The following CPAP variants were observed in gnomAD, a reference collection of about 807,000 sequenced individuals.
CPAP encodes the protein centrosome assembly and centriole elongation protein.
the CPAP span, among the ~76,000 whole-genome samples, chr13:24,896,693 G>A: frequency 1.3e-5 from 2 of 152,206 alleles, no homozygotes; most frequent in African/African-American, 4.8e-5. Context: ...GTCAGGATCA[G>A]AGCTATGAGA....
At chr13:24,929,881 C>T in the CPAP span, among the ~76,000 whole-genome samples, 6 of 137,632 alleles carry the variant, frequency 4.4e-5, no homozygotes, top group Non-Finnish European at 7.7e-5. Context: ...CTGCTCAAAT[C>T]TGTTGAGCGT....
At chr13:24,888,318 G>A in the CPAP span, among the ~76,000 whole-genome samples, 1 of 152,038 alleles carries the variant, frequency 6.6e-6, no homozygotes, top group Non-Finnish European at 1.5e-5. Flanking sequence ...AGCAGTGCTT[G>A]TAACTGACAA....
the CPAP span, chr13:24,889,129 A>C: frequency 3.3e-6 from 2 of 608,310 alleles, no homozygotes; most frequent in Non-Finnish European, 2.9e-6. Context: ...CGAAGCATGG[A>C]CCATTATCAG....
chr13:24,912,352 A>G, the CPAP span, among the ~76,000 whole-genome samples: 19 of 152,306 alleles, frequency 1.2e-4, no homozygotes, highest in African/African-American at 4.3e-4. Context: ...TTCCCCTAAT[A>G]CTTGATCAAC....
chr13:24,908,263 G>A, the CPAP span: 1 of 635,620 alleles, frequency 1.6e-6, no homozygotes, highest in South Asian at 1.8e-5. Context: ...CAACACTCAA[G>A]GAATTCTTTA....
At chr13:24,931,237 A>G in the CPAP span, among the ~76,000 whole-genome samples, 8,561 of 148,398 alleles carry the variant, frequency 0.058, 439 homozygotes, top group East Asian at 0.14. Context: ...CTGTATCTGC[A>G]CTTCCTCGGC....
the CPAP span, chr13:24,905,405 T>TAG: frequency 6.2e-7 from 1 of 1,614,176 alleles, no homozygotes; most frequent in Admixed American, 1.7e-5. Context: ...TGAATCTGAC[T>TAG]TTGGTTTTGG....
chr13:24,892,311 G>A, the CPAP span, among the ~76,000 whole-genome samples: 4 of 152,172 alleles, frequency 2.6e-5, no homozygotes, highest in African/African-American at 9.7e-5. Flanking sequence ...TTAGAGAAAT[G>A]AGTCTGCAAA....
At chr13:24,896,696 C>G in the CPAP span, among the ~76,000 whole-genome samples, 1 of 152,172 alleles carries the variant, frequency 6.6e-6, no homozygotes, top group Non-Finnish European at 1.5e-5. Flanking sequence ...AGGATCAGAG[C>G]TATGAGAAAG....
At chr13:24,885,191 C>A in the CPAP span, 8 of 911,606 alleles carry the variant, frequency 8.8e-6, no homozygotes, top group Admixed American at 5.7e-5. Context: ...TCCAAAGAGC[C>A]CTTATTTTAG....
chr13:24,907,237 G>C, the CPAP span: 1 of 1,485,044 alleles, frequency 6.7e-7, no homozygotes, highest in Non-Finnish European at 9.4e-7. Flanking sequence ...ATCATAATGT[G>C]TGAATATTTT....
chr13:24,901,128 G>C, the CPAP span, among the ~76,000 whole-genome samples: 18 of 152,302 alleles, frequency 1.2e-4, no homozygotes, highest in Non-Finnish European at 2.4e-4. Flanking sequence ...TGGAGGGAGA[G>C]CAGACAGAAA....
chr13:24,907,929 T>A, the CPAP span: 1 of 992,894 alleles, frequency 1.0e-6, no homozygotes, highest in South Asian at 1.3e-5. Flanking sequence ...CAGAAAAATA[T>A]AGATCTTTCA....
At chr13:24,904,884 A>T in the CPAP span, among the ~76,000 whole-genome samples, 1 of 152,222 alleles carries the variant, frequency 6.6e-6, no homozygotes, top group African/African-American at 2.4e-5. Flanking sequence ...CAGAAATACT[A>T]CACATCCGTT....
At chr13:24,912,054 G>C in the CPAP span, 1 of 1,613,436 alleles carries the variant, frequency 6.2e-7, no homozygotes. Flanking sequence ...TGCTTCTTCT[G>C]TTGTACTTCT....
the CPAP span, among the ~76,000 whole-genome samples, chr13:24,932,696 T>C: frequency 6.6e-6 from 1 of 152,198 alleles, no homozygotes; most frequent in Admixed American, 6.5e-5. Context: ...AAATAAATGC[T>C]TCTATGTTCT....
At chr13:24,892,785 C>T in the CPAP span, 6 of 1,613,714 alleles carry the variant, frequency 3.7e-6, no homozygotes, top group Non-Finnish European at 4.2e-6. Flanking sequence ...TATCTGGCTT[C>T]TGAGACGGCT....
At chr13:24,888,523 T>TA in the CPAP span, among the ~76,000 whole-genome samples, 7 of 152,142 alleles carry the variant, frequency 4.6e-5, no homozygotes, top group South Asian at 2.1e-4. Context: ...GCCAAAATGT[T>TA]AAAGTCTGGC....
At chr13:24,904,573 G>T in the CPAP span, among the ~76,000 whole-genome samples, 1 of 152,148 alleles carries the variant, frequency 6.6e-6, no homozygotes, top group Non-Finnish European at 1.5e-5. Flanking sequence ...CTAAAGAAAT[G>T]AGCTAAGTTA....
Sources: gnomAD v4.1 joint callset for allele counts (sites outside exome capture counted in the v4.1 genomes callset) on GRCh38, gnomAD v4.1.1 for gene constraint, MANE v1.5 for transcripts, NCBI Gene and HGNC (gene_info 2026-07-23, HGNC 2026-07-21) for gene names.